COL5A1: variants seen among roughly 807,000 people sequenced by gnomAD.
COL5A1 encodes the protein collagen alpha-1(V) chain.
Under a neutral mutation model 263.7 loss-of-function variants are expected in COL5A1, and 16 were observed. The ratio of observed to expected loss-of-function variants is 0.06; its 90% CI spans 0.04 to 0.09. COL5A1 has a LOEUF of 0.09. Ranked by LOEUF, COL5A1 falls within the 10% of genes least tolerant of loss-of-function variation. COL5A1 has a pLI of 1.00. For missense variants in COL5A1, 2,036 were observed against 2,540.5 expected (o/e 0.80, Z 4.27); for synonymous variants, 1,012 against 1,004.5 (o/e 1.01, Z -0.14).
In COL5A1 at chr9:134,818,705, C is replaced by T; in HGVS notation, c.4280C>T (p.Pro1427Leu). 1 of 1,610,744 alleles carries T rather than the reference C, an allele frequency of 6.2e-7. No individual in the cohort carries two copies. Among genetic ancestry groups the T allele is most frequent in the Non-Finnish European group, 8.5e-7 (1 of 1,179,022 alleles). ...CCTGGGAAGACTGGCCCCATCGGCCCCCAGGGGGCCCCTGGGAAGCCCGGA... is the reference window on the plus strand; with the variant it reads ...CCTGGGAAGACTGGCCCCATCGGCCTCCAGGGGGCCCCTGGGAAGCCCGGA... ...GPPGKTGPIG[P>L]QGAPGKPGPD... Residue 1427 changes from proline (P) to leucine (L), a missense_variant, in exon 55 of 66, where the codon CCC (proline) becomes CTC (leucine). Transcript: ENST00000371817. This position sits in a 1 kb window ranked among gnomAD's most constrained non-coding sequence, Gnocchi z 6.0.
At chr9:134,724,464 T>C (rs993188094) in intron 4 of COL5A1, among the ~76,000 whole-genome samples, 1 of 152,208 alleles carries the variant, frequency 6.6e-6, no homozygotes, top group Non-Finnish European at 1.5e-5. Flanking sequence ...CAAGTGTGCC[T>C]GCGGGCTGGG....
chr9:134,690,174 G>T (rs1400788158), intron 1 of COL5A1, among the ~76,000 whole-genome samples: 3 of 152,198 alleles, frequency 2.0e-5, no homozygotes, highest in Admixed American at 6.5e-5. Flanking sequence ...TTCTGGAAGG[G>T]ATGCGGGGGC....
intron 49 of COL5A1, 64 bp from the exon 50 acceptor site, chr9:134,814,733 C>T: frequency 7.9e-7 from 1 of 1,267,036 alleles, no homozygotes; most frequent in African/African-American, 1.5e-5. Flanking sequence ...CCGGGGAGGC[C>T]CACCTTGCTC....
chr9:134,651,096 C>G (rs2132472458), intron 1 of COL5A1, among the ~76,000 whole-genome samples: 1 of 152,360 alleles, frequency 6.6e-6, no homozygotes, highest in East Asian at 1.9e-4. Context: ...AGCTGGGTCC[C>G]AGTGCTTCAG....
intron 4 of COL5A1, among the ~76,000 whole-genome samples, chr9:134,705,485 G>T (rs1588454572): frequency 1.3e-5 from 2 of 152,268 alleles, no homozygotes; most frequent in East Asian, 3.8e-4. Context: ...ACGTACGGAG[G>T]AAGTGATGGG....
In COL5A1 at chr9:134,699,980, G is replaced by A; in HGVS notation, c.349G>A (p.Val117Ile). 6.2e-7 allele frequency: 1 copy of A among 1,613,902 alleles called. No homozygotes were observed. The highest frequency in any genetic ancestry group is 8.5e-7 in the Non-Finnish European group (1 of 1,180,042). Residue 117 changes from valine (V) to isoleucine (I), a missense_variant, in exon 3 of 66, where the codon GTC becomes ATC. Physicochemically the swap from Val to Ile is conservative, Grantham distance 29 (BLOSUM62 3). Coordinates refer to ENST00000371817, the MANE Select transcript of COL5A1 (RefSeq NM_000093.5). The part of the protein sequence containing the change: ...KAKKGSQAFL[V>I]SIYNEQGIQQ... Reference sequence around the variant, plus strand: ...CAAGAAAGGCAGCCAGGCCTTCCTGGTCTCCATCTACAACGAGCAGGGTAT... The same window carrying A: ...CAAGAAAGGCAGCCAGGCCTTCCTGATCTCCATCTACAACGAGCAGGGTAT...
chr9:134,679,018 C>CT (rs1355866531), intron 1 of COL5A1, among the ~76,000 whole-genome samples: 5 of 152,198 alleles, frequency 3.3e-5, no homozygotes, highest in African/African-American at 1.2e-4. Flanking sequence ...TCCGAGATGC[C>CT]TTTCAGGCCT....
chr9:134,650,296 A>T (rs1831631504), intron 1 of COL5A1, among the ~76,000 whole-genome samples: 1 of 152,146 alleles, frequency 6.6e-6, no homozygotes, highest in African/African-American at 2.4e-5. Context: ...GAGCATCGTA[A>T]CCGTCTTCCA....
At chr9:134,784,299 G>T (rs571487468) in intron 29 of COL5A1, among the ~76,000 whole-genome samples, 2 of 152,374 alleles carry the variant, frequency 1.3e-5, no homozygotes, top group African/African-American at 4.8e-5. Context: ...CTTTACAGCT[G>T]CTCTTAGAGA....
At chr9:134,817,728 C>T in intron 53 of COL5A1, 50 bp from the exon 54 acceptor site, 1 of 1,576,398 alleles carries the variant, frequency 6.3e-7, no homozygotes, top group Non-Finnish European at 8.7e-7. Context: ...GCTCGTCCCT[C>T]CACCCCTGCA....
chr9:134,732,212 C>T (rs368082942), intron 9 of COL5A1, 85 bp downstream of exon 9: 21 of 1,441,574 alleles, frequency 1.5e-5, no homozygotes, highest in East Asian at 9.1e-5. Flanking sequence ...TGAACAGGTC[C>T]GTGGGCCCCT....
intron 11 of COL5A1, among the ~76,000 whole-genome samples, chr9:134,747,913 GCA>G (rs1216875791): frequency 8.7e-5 from 9 of 103,898 alleles, no homozygotes; most frequent in Non-Finnish European, 1.6e-4. Flanking sequence ...GCAGACACAT[GCA>G]CACATGCATT....
intron 63 of COL5A1, among the ~76,000 whole-genome samples, chr9:134,828,013 G>T (rs1438532119): frequency 6.6e-6 from 1 of 152,170 alleles, no homozygotes; most frequent in Admixed American, 6.5e-5. Context: ...AAGAAGGCTG[G>T]GGGGATCAGC....
At chr9:134,707,112 G>A (rs1257288525) in intron 4 of COL5A1, among the ~76,000 whole-genome samples, 2 of 152,184 alleles carry the variant, frequency 1.3e-5, no homozygotes, top group Non-Finnish European at 2.9e-5. Context: ...GAGGCCTGCC[G>A]TGGAAGGCCC....
At chr9:134,747,665 A>G (rs1050573549) in intron 11 of COL5A1, among the ~76,000 whole-genome samples, 11 of 151,574 alleles carry the variant, frequency 7.3e-5, no homozygotes, top group Non-Finnish European at 1.3e-4. Context: ...AGACACATGC[A>G]CACATGTATT....
intron 11 of COL5A1, among the ~76,000 whole-genome samples, chr9:134,740,197 A>T (rs970415053): frequency 6.6e-6 from 1 of 152,222 alleles, no homozygotes; most frequent in African/African-American, 2.4e-5. Flanking sequence ...GACAGGCAAC[A>T]GCGAGTGGCC....
At chr9:134,833,841 C>T (rs1267366850) in intron 64 of COL5A1, among the ~76,000 whole-genome samples, 2 of 152,206 alleles carry the variant, frequency 1.3e-5, no homozygotes, top group Non-Finnish European at 2.9e-5. Flanking sequence ...CCTTCCTTTG[C>T]TGGTGTTGGA....
In COL5A1 at chr9:134,716,896, G is replaced by C. The variant is rs113994565; in HGVS notation, c.655-10370G>C. ...GAATTGGACTGGGACTGGAGGCAGC[G>C]AGCGAGGACATGGCGGGGACAGCAG... is the stretch of plus-strand genomic sequence containing the variant. On this transcript the variant is annotated intron_variant, in intron 4 of 65. Coordinates refer to ENST00000371817, the MANE Select transcript of COL5A1 (RefSeq NM_000093.5). This position sits in a 1 kb window ranked among gnomAD's most constrained non-coding sequence, Gnocchi z 4.5. Among the ~76,000 whole-genome samples, 1,251 of 152,292 alleles carry C rather than the reference G, an allele frequency of 8.2e-3. 14 individuals are homozygous for C. The highest frequency in any genetic ancestry group is 0.028 in the African/African-American group (1,174 of 41,550).
chr9:134,812,782 G>C (rs571228676), intron 48 of COL5A1, 70 bp downstream of exon 48: 1 of 1,060,030 alleles, frequency 9.4e-7, no homozygotes, highest in Middle Eastern at 2.9e-4. Context: ...GTCTGTGTGT[G>C]TGTGTCTGTG....
Sources: gnomAD v4.1 joint callset for allele counts (sites outside exome capture counted in the v4.1 genomes callset) on GRCh38, gnomAD v4.1.1 for gene constraint, Gnocchi (gnomAD v3.1) non-coding constraint, MANE v1.5 for transcripts, NCBI Gene and HGNC (gene_info 2026-07-23, HGNC 2026-07-21) for gene names.